COL26A1: variants seen among roughly 807,000 people sequenced by gnomAD.
COL26A1 encodes collagen type XXVI alpha 1 chain.
In COL26A1, 41 loss-of-function variants were observed where a neutral mutation model predicts 59.3. The observed-to-expected ratio is 0.69, with a 90% CI of 0.54 to 0.90. The LOEUF is 0.90. COL26A1 is among the 40% of genes least tolerant of loss of function. The probability of loss-of-function intolerance (pLI) is 0.00; values close to 1 mark genes in which losing one functional copy is unlikely to be tolerated. For missense variants in COL26A1, 612 were observed against 602.3 expected (o/e 1.02, Z -0.17); for synonymous variants, 266 against 256.0 (o/e 1.04, Z -0.37).
At chr7:101,363,605 G>T (rs1218244446) in intron 1 of COL26A1, among the ~76,000 whole-genome samples, 1 of 148,584 alleles carries the variant, frequency 6.7e-6, no homozygotes, top group South Asian at 2.1e-4. Context: ...GGGGGTTGGG[G>T]CCGCGGGGCT....
Position 101,551,269 on chromosome 7 carries a change from G to A in COL26A1, c.1029+126G>A, listed in dbSNP as rs1189945083. 1.5e-5 allele frequency: 15 copies of A among 996,870 alleles called. No individual in the cohort carries two copies. The East Asian group carries it at 3.4e-4, about 23-fold the overall frequency. 61.8% of individuals were successfully genotyped at this position (996,870 alleles called of 1,614,324 possible). ...CCTGGGTGGCCCTGCTGGAGCTCAGGCAACAGGGAGGGACTGAGAAAGGAC... is the reference window on the plus strand; with the variant it reads ...CCTGGGTGGCCCTGCTGGAGCTCAGACAACAGGGAGGGACTGAGAAAGGAC... On this transcript the variant is annotated intron_variant, in intron 10 of 12. Transcript: ENST00000313669.
chr7:101,377,432 C>CT (rs530486402), intron 1 of COL26A1, among the ~76,000 whole-genome samples: 7 of 151,408 alleles, frequency 4.6e-5, no homozygotes, highest in Admixed American at 1.3e-4. Context: ...CAGTGACTCA[C>CT]TTTTTTTTTG....
chr7:101,467,075 G>A (rs950103243), intron 3 of COL26A1, among the ~76,000 whole-genome samples: 1 of 151,900 alleles, frequency 6.6e-6, no homozygotes, highest in Non-Finnish European at 1.5e-5. Context: ...CCCCTTGGAG[G>A]GCAGCCCATC....
rs1476999783 is a variant in COL26A1 at position 101,387,767 on chromosome 7, TATATATATA to T, written c.158+24578_158+24586del. 2.1e-3 allele frequency among the ~76,000 whole-genome samples: 100 copies of T among 48,174 alleles called. 1 individual carries two copies. Among genetic ancestry groups the T allele is most frequent in the Admixed American group, 3.9e-3 (11 of 2,856 alleles). The allele number at this position is 48,174 out of a possible 152,430, so 31.6% of individuals were successfully genotyped here. A position where few individuals can be genotyped will look rare whatever the true frequency, so the allele number is the denominator to read the frequency against. On this transcript the variant is annotated intron_variant, in intron 1 of 12. Transcript: ENST00000313669. ...ATATATATATATTTATATATATATA[TATATATATA>T]TATTTTTTTTTAAGACAGAGTCTCA...
intron 3 of COL26A1, among the ~76,000 whole-genome samples, chr7:101,486,228 C>T (rs1584451207): frequency 6.6e-6 from 1 of 152,014 alleles, no homozygotes; most frequent in African/African-American, 2.4e-5. Flanking sequence ...TTTTCGGATC[C>T]GTCTTCACCC....
chr7:101,419,975 A>G lies in COL26A1; in HGVS notation c.159-2A>G, dbSNP rs1257165255. Reference sequence around the variant, plus strand: ...CTCATGTGACTGTTGCTCTCTCCACAGGCACTGGTGCCATCACACAGTGAC... The same window carrying G: ...CTCATGTGACTGTTGCTCTCTCCACGGGCACTGGTGCCATCACACAGTGAC... On this transcript the variant is annotated splice_acceptor_variant, in intron 1 of 12. Coordinates refer to ENST00000313669, the MANE Select transcript of COL26A1 (RefSeq NM_001278563.3). LOFTEE classifies it high-confidence loss of function. The G allele has an allele frequency of 2.5e-6, 4 of 1,613,388 alleles. No individual in the cohort carries two copies. Among genetic ancestry groups the G allele is most frequent in the Non-Finnish European group, 3.4e-6 (4 of 1,179,806 alleles).
At chr7:101,498,436 AGAG>A (rs1263576456) in intron 3 of COL26A1, among the ~76,000 whole-genome samples, 1 of 152,154 alleles carries the variant, frequency 6.6e-6, no homozygotes, top group Non-Finnish European at 1.5e-5. Context: ...AATGATAGAG[AGAG>A]GAGACCCAGG....
At chr7:101,400,351 C>A in intron 1 of COL26A1, among the ~76,000 whole-genome samples, 1 of 123,402 alleles carries the variant, frequency 8.1e-6, no homozygotes, top group East Asian at 2.3e-4. Context: ...CTTTTTTTTC[C>A]TATTTTTTTT....
chr7:101,384,866 T>C (rs1791530215), intron 1 of COL26A1, among the ~76,000 whole-genome samples: 1 of 152,042 alleles, frequency 6.6e-6, no homozygotes, highest in Non-Finnish European at 1.5e-5. Context: ...AAGCCAACAG[T>C]GCAGCCTTCA....
chr7:101,398,964 G>C (rs1423710011), intron 1 of COL26A1, among the ~76,000 whole-genome samples: 1 of 152,034 alleles, frequency 6.6e-6, no homozygotes, highest in Non-Finnish European at 1.5e-5. Flanking sequence ...CTGCACAGGG[G>C]GATGGACAGA....
intron 3 of COL26A1, among the ~76,000 whole-genome samples, chr7:101,467,669 C>G (rs1303363450): frequency 6.6e-6 from 1 of 151,908 alleles, no homozygotes; most frequent in Non-Finnish European, 1.5e-5. Flanking sequence ...AGATCAAGAC[C>G]ATCCTGGCTA....
rs537504682 is a variant in COL26A1 at position 101,456,521 on chromosome 7, G to A, written c.385+8734G>A. ...CTCTACTAAAAATACAAAATTAGCC[G>A]GTCGTGGTGGCACATGCCTCTAATC... On this transcript the variant is annotated intron_variant, in intron 3 of 12. Coordinates refer to ENST00000313669, the MANE Select transcript of COL26A1 (RefSeq NM_001278563.3). Among the ~76,000 whole-genome samples the A allele has an allele frequency of 6.6e-4, 101 of 152,126 alleles. No homozygotes were observed. The Middle Eastern group carries it at 0.01, about 15-fold the overall frequency.
intron 10 of COL26A1, 129 bp from the exon 11 acceptor site, chr7:101,553,197 A>G: frequency 1.3e-6 from 1 of 764,730 alleles, no homozygotes; most frequent in South Asian, 1.6e-5. Flanking sequence ...CCCTGGGCCC[A>G]GCACCCGTTT....
rs558625762 is a variant in COL26A1 at position 101,369,510 on chromosome 7, G to A, written c.158+6320G>A. ...GTCGCCCAGGCTGGAGTGCAGTGGC[G>A]CAATCTCGGCTCACTGCAAGCTCTG... On this transcript the variant is annotated intron_variant, in intron 1 of 12. Coordinates refer to ENST00000313669, the MANE Select transcript of COL26A1 (RefSeq NM_001278563.3). 2.9e-3 allele frequency among the ~76,000 whole-genome samples: 384 copies of A among 130,190 alleles called. 3 individuals carry two copies. Among genetic ancestry groups the A allele is most frequent in the African/African-American group, 0.011 (370 of 33,372 alleles). 85.4% of individuals were successfully genotyped at this position (130,190 alleles called of 152,430 possible). A position where few individuals can be genotyped will look rare whatever the true frequency, so the allele number is the denominator to read the frequency against.
intron 8 of COL26A1, among the ~76,000 whole-genome samples, chr7:101,547,516 C>T (rs1447038062): frequency 6.6e-6 from 1 of 152,236 alleles, no homozygotes. Flanking sequence ...GAGTGGGACA[C>T]ACACCAGTGG....
chr7:101,396,095 C>CA (rs1191893200), intron 1 of COL26A1, among the ~76,000 whole-genome samples: 2 of 151,708 alleles, frequency 1.3e-5, no homozygotes, highest in African/African-American at 4.8e-5. Context: ...CTGTTTCTAC[C>CA]AAAAAACCAA....
intron 1 of COL26A1, among the ~76,000 whole-genome samples, chr7:101,368,032 C>T (rs1262263880): frequency 6.6e-6 from 1 of 152,178 alleles, no homozygotes; most frequent in Admixed American, 6.6e-5. Flanking sequence ...GAAACTTGGC[C>T]TTCTAGATTG....
At chr7:101,371,885 G>T (rs1413926915) in intron 1 of COL26A1, among the ~76,000 whole-genome samples, 3 of 152,164 alleles carry the variant, frequency 2.0e-5, no homozygotes, top group Non-Finnish European at 2.9e-5. Flanking sequence ...GTGGAATTTG[G>T]TGTGATACAA....
intron 3 of COL26A1, among the ~76,000 whole-genome samples, chr7:101,519,308 C>A (rs767688538): frequency 1.6e-4 from 25 of 152,174 alleles, no homozygotes; most frequent in Non-Finnish European, 2.1e-4. Flanking sequence ...GCCACAAATT[C>A]TTTTTTTAGT....
Sources: gnomAD v4.1 joint callset for allele counts (sites outside exome capture counted in the v4.1 genomes callset) on GRCh38, gnomAD v4.1.1 for gene constraint, MANE v1.5 for transcripts, NCBI Gene and HGNC (gene_info 2026-07-23, HGNC 2026-07-21) for gene names.